The following XCR1 variants were observed in gnomAD, a reference collection of about 807,000 sequenced individuals.
The protein encoded by XCR1 is chemokine XC receptor 1.
For synonymous variants in XCR1, 187 were observed against 188.5 expected (o/e 0.99, Z 0.06); for missense variants, 356 against 424.2 (o/e 0.84, Z 1.41).
intron 4 of XCR1, among the ~76,000 whole-genome samples, chr3:46,058,878 T>C (rs1482496552): frequency 6.6e-6 from 1 of 152,188 alleles, no homozygotes; most frequent in Non-Finnish European, 1.5e-5. Flanking sequence ...GGGTGTCTTC[T>C]GTTAGAGTGA....
intron 4 of XCR1, among the ~76,000 whole-genome samples, chr3:46,055,859 C>G (rs970644224): frequency 3.3e-5 from 5 of 152,212 alleles, no homozygotes; most frequent in African/African-American, 1.2e-4. Context: ...CTTAACAACA[C>G]TATGAAGAAG....
At chr3:46,066,683 G>A (rs2125902016) in intron 4 of XCR1, among the ~76,000 whole-genome samples, 1 of 152,340 alleles carries the variant, frequency 6.6e-6, no homozygotes, top group Non-Finnish European at 1.5e-5. Flanking sequence ...TTTGTAACAA[G>A]TGTCTAAGCA....
At chr3:46,023,204 G>T in intron 1 of XCR1, 1 of 498,410 alleles carries the variant, frequency 2.0e-6, no homozygotes, top group Non-Finnish European at 3.5e-6. Context: ...CTCCCTCTGC[G>T]CCCAGAGAGG....
rs768875500 is a variant in XCR1 at position 46,021,552 on chromosome 3, C to A, written c.396G>T (p.Val132=). Residue 132 remains valine (V), a synonymous_variant, in exon 2 of 2, where the codon GTG becomes GTT. Coordinates refer to ENST00000309285, the MANE Select transcript of XCR1 (RefSeq NM_001024644.2). This position sits in a 1 kb window ranked among gnomAD's most constrained non-coding sequence, Gnocchi z 4.7. Reference sequence around the variant, plus strand: ...GGACGCGCAGGGTGGAGAGGGGGCTCACTACCGACAGGTAGCGGTGGATGG... The same window carrying A: ...GGACGCGCAGGGTGGAGAGGGGGCTAACTACCGACAGGTAGCGGTGGATGG... ...IMTIHRYLSV[V]SPLSTLRVPT... 1 of 1,610,536 alleles carries A rather than the reference C, an allele frequency of 6.2e-7. No individual in the cohort carries two copies. Among genetic ancestry groups the A allele is most frequent in the Admixed American group, 1.7e-5 (1 of 59,384 alleles).
chr3:46,079,130 C>G (rs1230352329), intron 1 of XCR1, among the ~76,000 whole-genome samples: 2 of 152,146 alleles, frequency 1.3e-5, no homozygotes, highest in East Asian at 1.9e-4. Flanking sequence ...TCCTAAGTTA[C>G]GGGAAATCAA....
chr3:46,040,024 C>T (rs761346399), intron 5 of XCR1, among the ~76,000 whole-genome samples: 2 of 152,040 alleles, frequency 1.3e-5, no homozygotes, highest in African/African-American at 2.4e-5. Flanking sequence ...TTAGCTTTAA[C>T]GTTAATAATA....
chr3:46,036,915 A>G (rs954408651), intron 5 of XCR1, among the ~76,000 whole-genome samples: 1 of 152,216 alleles, frequency 6.6e-6, no homozygotes, highest in South Asian at 2.1e-4. Context: ...ATCGAGATAA[A>G]CTGCCAAAAA....
intron 1 of XCR1, chr3:46,023,460 T>C: frequency 6.5e-7 from 1 of 1,545,702 alleles, no homozygotes; most frequent in Non-Finnish European, 8.9e-7. Flanking sequence ...AGGCTCGTCT[T>C]TCACTGGAAT....
At chr3:46,072,863 TCAAATTATACTA>T (rs1408595063) in intron 3 of XCR1, among the ~76,000 whole-genome samples, 1 of 152,198 alleles carries the variant, frequency 6.6e-6, no homozygotes, top group African/African-American at 2.4e-5. Flanking sequence ...TTATCTGAGT[TCAAATTATACTA>T]CAAGGCTATA....
rs113173634 is a variant in XCR1 at position 46,068,286 on chromosome 3, T to C, written c.-262-1308A>G. ...CACATATCTATACCGGTGGCTCTCA[T>C]TGGGTGCAATTTTGCCACGTCTGAA... is the stretch of plus-strand genomic sequence containing the variant. On this transcript the variant is annotated intron_variant, in intron 3 of 5. Coordinates refer to the XCR1 transcript ENST00000683768. Among the ~76,000 whole-genome samples the C allele has an allele frequency of 1.1e-3, 174 of 152,244 alleles. 1 individual carries two copies. The highest frequency in any genetic ancestry group is 6.8e-3 in the Middle Eastern group (2 of 292).
rs531482170 is a variant in XCR1, at chr3:46,070,820, T to C, written c.-263+3831A>G. Among the ~76,000 whole-genome samples the C allele has an allele frequency of 3.9e-5, 6 of 152,258 alleles. No individual in the cohort carries two copies. The South Asian group carries it at 1.0e-3, about 26-fold the overall frequency. On this transcript the variant is annotated intron_variant, in intron 3 of 5. Transcript: ENST00000683768. ...GTTCCTGTCATATTGTTAATTGTTA[T>C]CTAGTTGTTTTATCAATTCTTGGCT...
At chr3:46,023,940 T>C (rs1708229183) in intron 1 of XCR1, 1 of 1,473,994 alleles carries the variant, frequency 6.8e-7, no homozygotes, top group African/African-American at 1.4e-5. Flanking sequence ...AGGAGCTGGA[T>C]GTAGATGCTG....
chr3:46,085,413 C>T (rs1196475543), intron 1 of XCR1, among the ~76,000 whole-genome samples: 1 of 152,182 alleles, frequency 6.6e-6, no homozygotes, highest in Admixed American at 6.5e-5. Context: ...TTGAATTCCT[C>T]TGATGCTTTC....
chr3:46,049,366 G>T (rs1032213802), intron 5 of XCR1, among the ~76,000 whole-genome samples: 1 of 152,206 alleles, frequency 6.6e-6, no homozygotes, highest in African/African-American at 2.4e-5. Flanking sequence ...TGAGCTTGCT[G>T]AAACACAGAA....
At chr3:46,044,050 C>T (rs1411274646) in intron 5 of XCR1, among the ~76,000 whole-genome samples, 1 of 152,052 alleles carries the variant, frequency 6.6e-6, no homozygotes. Flanking sequence ...GGCTAGAGTG[C>T]AGTGGTGCAA....
At chr3:46,045,783 A>G (rs993676369) in intron 5 of XCR1, among the ~76,000 whole-genome samples, 1 of 152,232 alleles carries the variant, frequency 6.6e-6, no homozygotes, top group Non-Finnish European at 1.5e-5. Flanking sequence ...GTAAATTAGT[A>G]CAACCTCTAT....
At chr3:46,038,817 A>G (rs1368660967) in intron 5 of XCR1, among the ~76,000 whole-genome samples, 2 of 152,230 alleles carry the variant, frequency 1.3e-5, no homozygotes, top group Non-Finnish European at 2.9e-5. Flanking sequence ...TCAATCAACA[A>G]TTTGAGTTGG....
At chr3:46,051,559 G>T (rs1018937055) in intron 5 of XCR1, among the ~76,000 whole-genome samples, 2 of 152,160 alleles carry the variant, frequency 1.3e-5, no homozygotes, top group African/African-American at 4.8e-5. Flanking sequence ...TACACAGGTG[G>T]GTCTATTAGA....
rs1236763777 is a variant in XCR1, at chr3:46,024,008, C to A, written c.-31-2030G>T. Reference sequence around the variant, plus strand: ...CCGCCACATTCAGAAACTGCTACAGCCTCCTCAACCTGGCAGAAGTTTGCA... The same window carrying A: ...CCGCCACATTCAGAAACTGCTACAGACTCCTCAACCTGGCAGAAGTTTGCA... On this transcript the variant is annotated intron_variant, in intron 1 of 1. Coordinates refer to ENST00000309285, the MANE Select transcript of XCR1 (RefSeq NM_001024644.2). The A allele has an allele frequency of 5.1e-6, 7 of 1,375,750 alleles. No homozygotes were observed. In the East Asian group the frequency reaches 1.4e-4, roughly 27 times the overall value. 85.2% of individuals were successfully genotyped at this position (1,375,750 alleles called of 1,614,324 possible).
Sources: allele counts gnomAD v4.1 joint callset (sites outside exome capture counted in the v4.1 genomes callset), GRCh38; gene constraint gnomAD v4.1.1; non-coding constraint Gnocchi (gnomAD v3.1); transcripts MANE v1.5; gene names NCBI Gene and HGNC (gene_info 2026-07-23, HGNC 2026-07-21).